POTEJ: variants seen among roughly 807,000 people sequenced by gnomAD.
The protein encoded by POTEJ is POTE ankyrin domain family member J.
In POTEJ, 11 loss-of-function variants were observed where a neutral mutation model predicts 69.0. That is an observed-to-expected ratio of 0.16 (90% CI 0.10 to 0.26). POTEJ has a LOEUF of 0.26. Among genes scored for constraint, POTEJ ranks in the 10% least tolerant of loss-of-function variants. The pLI, the probability that POTEJ is intolerant of heterozygous loss-of-function variation, is 1.00. For missense variants in POTEJ, 327 were observed against 1,045.5 expected (o/e 0.31, Z 9.48); for synonymous variants, 117 against 381.1 (o/e 0.31, Z 8.07).
At chr2:130,643,639 T>C (rs2105247044) in intron 10 of POTEJ, among the ~76,000 whole-genome samples, 1 of 142,454 alleles carries the variant, frequency 7.0e-6, no homozygotes, top group South Asian at 2.2e-4. Flanking sequence ...AAATCATTTA[T>C]AAGGTACTAT....
chr2:130,625,385 T>A (rs1163026526), intron 6 of POTEJ, among the ~76,000 whole-genome samples: 16 of 151,894 alleles, frequency 1.1e-4, no homozygotes, highest in African/African-American at 3.4e-4. Context: ...CTTTTTGTTA[T>A]CATTGTCATT....
intron 3 of POTEJ, among the ~76,000 whole-genome samples, chr2:130,619,775 T>C (rs1685484647): frequency 6.7e-6 from 1 of 149,186 alleles, no homozygotes; most frequent in African/African-American, 2.5e-5. Context: ...CCATGCCAAA[T>C]GCTGGTTTAG....
In POTEJ at chr2:130,637,090, A is replaced by AAAC. The variant is rs1553479041; in HGVS notation, c.1299-1527_1299-1526insCAA. Among the ~76,000 whole-genome samples the AAAC allele has an allele frequency of 6.4e-5, 9 of 140,710 alleles. No homozygotes were observed. In the East Asian group the frequency reaches 1.1e-3, roughly 17 times the overall value. The allele number at this position is 140,710 out of a possible 152,430, so 92.3% of individuals were successfully genotyped here. Reference sequence around the variant, plus strand: ...CAAGACTCCGTCTCAAAAAAAAAAAAAAAACAAGTTTGACATGGTTCTTTC... The same window carrying AAAC: ...CAAGACTCCGTCTCAAAAAAAAAAAAAACAAAACAAGTTTGACATGGTTCTTTC... On this transcript the variant is annotated intron_variant, in intron 9 of 14. Transcript: ENST00000409602.
At position 130,624,054 on chromosome 2, in the gene POTEJ, T is replaced by G. The variant is rs1344028129; in HGVS notation, c.945-10T>G. 1 of 1,428,818 alleles carries G rather than the reference T, an allele frequency of 7.0e-7. No homozygotes were observed. Among genetic ancestry groups the G allele is most frequent in the East Asian group, 2.4e-5 (1 of 40,820 alleles). 88.5% of individuals were successfully genotyped at this position (1,428,818 alleles called of 1,614,324 possible). On this transcript the variant is annotated splice_polypyrimidine_tract_variant and intron_variant, in intron 5 of 14. Coordinates refer to ENST00000409602, the MANE Select transcript of POTEJ (RefSeq NM_001277083.2). The stretch of plus-strand genomic sequence containing the variant: ...AATAGTAATTTGGTTTATTACATTT[T>G]TATACATAGAATTTGCCAGTTACTT...
intron 13 of POTEJ, among the ~76,000 whole-genome samples, chr2:130,649,358 C>T (rs1573996052): frequency 6.6e-6 from 1 of 152,386 alleles, no homozygotes; most frequent in East Asian, 1.9e-4. Context: ...TCATTCTTGA[C>T]TGATCTTTCT....
In POTEJ at chr2:130,646,559, T is replaced by C. The variant is rs1489812929; in HGVS notation, c.1667+249T>C. ...ATTTTCTTCTCTTTTCAGTGAACTT[T>C]TATTTTAGCTTCGGGGTACGTGTGC... is the stretch of plus-strand genomic sequence containing the variant. On this transcript the variant is annotated intron_variant, in intron 13 of 14. Coordinates refer to ENST00000409602, the MANE Select transcript of POTEJ (RefSeq NM_001277083.2). Among the ~76,000 whole-genome samples the C allele has an allele frequency of 2.7e-5, 4 of 145,518 alleles. No homozygotes were observed. In the East Asian group the frequency reaches 7.8e-4, roughly 28 times the overall value.
chr2:130,626,869 A>AT (rs1176433541), intron 6 of POTEJ, among the ~76,000 whole-genome samples: 2 of 152,244 alleles, frequency 1.3e-5, no homozygotes, highest in African/African-American at 2.4e-5. Context: ...GTTTTGCTTA[A>AT]TTTTTTTTCA....
intron 10 of POTEJ, among the ~76,000 whole-genome samples, chr2:130,641,230 A>G (rs1328083250): frequency 1.3e-5 from 2 of 152,118 alleles, no homozygotes; most frequent in South Asian, 2.1e-4. Flanking sequence ...CAAAGAAACC[A>G]GGAGACAAAG....
chr2:130,645,624 T>C (rs1178215054), intron 11 of POTEJ, 113 bp from the exon 12 acceptor site: 1 of 280,124 alleles, frequency 3.6e-6, no homozygotes, highest in African/African-American at 2.3e-5. Context: ...CTAATTTTTA[T>C]TGTCCATACT....
chr2:130,625,133 G>A (rs1419414127), intron 6 of POTEJ, among the ~76,000 whole-genome samples: 1 of 152,312 alleles, frequency 6.6e-6, no homozygotes, highest in South Asian at 2.1e-4. Context: ...AAGAGCTTTT[G>A]TAAGTTAGGT....
intron 11 of POTEJ, among the ~76,000 whole-genome samples, 174 bp from the exon 12 acceptor site, chr2:130,645,563 T>C (rs1254610542): frequency 2.8e-5 from 4 of 145,174 alleles, no homozygotes; most frequent in Admixed American, 2.1e-4. Flanking sequence ...AAGTTAATTC[T>C]TAATTTTAAT....
At chr2:130,623,249 C>A (rs1317155042) in intron 5 of POTEJ, among the ~76,000 whole-genome samples, 2 of 58,602 alleles carry the variant, frequency 3.4e-5, no homozygotes, top group Non-Finnish European at 6.3e-5. Flanking sequence ...AAAGCATTAT[C>A]CTAACAGACA....
At chr2:130,625,338 G>C (rs1359433137) in intron 6 of POTEJ, among the ~76,000 whole-genome samples, 1 of 151,982 alleles carries the variant, frequency 6.6e-6, no homozygotes, top group Non-Finnish European at 1.5e-5. Context: ...TTTTTCTAAT[G>C]CTATAGACCA....
At chr2:130,618,545 C>T (rs1161129135) in intron 3 of POTEJ, among the ~76,000 whole-genome samples, 1 of 147,612 alleles carries the variant, frequency 6.8e-6, no homozygotes, top group Non-Finnish European at 1.5e-5. Context: ...TCGAGTCTAG[C>T]CTGGTCAACA....
chr2:130,618,529 A>T (rs1488159694), intron 3 of POTEJ, among the ~76,000 whole-genome samples: 95 of 148,158 alleles, frequency 6.4e-4, no homozygotes, highest in Non-Finnish European at 1.1e-3. Flanking sequence ...GCTTGAGCTC[A>T]GGAGTTCGAG....
intron 10 of POTEJ, among the ~76,000 whole-genome samples, chr2:130,640,280 C>A (rs1219967360): frequency 2.1e-5 from 3 of 141,116 alleles, no homozygotes; most frequent in African/African-American, 8.6e-5. Context: ...GGTTTCTGAG[C>A]AGTTCACTTT....
At chr2:130,642,026 G>A (rs1295892693) in intron 10 of POTEJ, among the ~76,000 whole-genome samples, 1 of 151,172 alleles carries the variant, frequency 6.6e-6, no homozygotes, top group Non-Finnish European at 1.5e-5. Flanking sequence ...AGAGCAAGGA[G>A]CGTATGAAGG....
At chr2:130,619,212 G>A (rs1489642203) in intron 3 of POTEJ, among the ~76,000 whole-genome samples, 4 of 150,090 alleles carry the variant, frequency 2.7e-5, no homozygotes, top group Non-Finnish European at 6.0e-5. Context: ...TGTGAGTATG[G>A]CCCTCTCAGG....
At chr2:130,624,789 A>G (rs1384745575) in intron 6 of POTEJ, among the ~76,000 whole-genome samples, 2 of 152,064 alleles carry the variant, frequency 1.3e-5, no homozygotes, top group Non-Finnish European at 1.5e-5. Flanking sequence ...GCTTGTCCCA[A>G]TAAGGTCTCA....
Sources: allele counts gnomAD v4.1 joint callset (sites outside exome capture counted in the v4.1 genomes callset), GRCh38; gene constraint gnomAD v4.1.1; transcripts MANE v1.5; gene names NCBI Gene and HGNC (gene_info 2026-07-23, HGNC 2026-07-21).